The following GGA3 variants were observed in gnomAD, a reference collection of about 807,000 sequenced individuals.
The protein encoded by GGA3 is ADP-ribosylation factor-binding protein GGA3.
GGA3 carries 57 observed loss-of-function variants against 77.5 expected under a neutral mutation model. The ratio of observed to expected loss-of-function variants is 0.74; its 90% confidence interval spans 0.59 to 0.92. GGA3 has a LOEUF of 0.92. GGA3 is among the 40% of genes least tolerant of loss of function. The probability of loss-of-function intolerance (pLI) is 0.00; values close to 1 mark genes in which losing one functional copy is unlikely to be tolerated. For missense variants in GGA3, 970 were observed against 914.9 expected, an observed-to-expected ratio of 1.06 and a Z score of -0.78; for synonymous variants, 416 against 383.7, an observed-to-expected ratio of 1.08 and a Z score of -0.98.
In GGA3 at chr17:75,244,320, C is replaced by T. The variant is rs572113863; in HGVS notation, c.300+299G>A. The T allele has an allele frequency of 1.7e-3, 510 of 302,948 alleles. 1 individual carries two copies. The highest frequency in any genetic ancestry group is 6.6e-3 in the Middle Eastern group (6 of 916). 18.8% of individuals were successfully genotyped at this position (302,948 alleles called of 1,614,324 possible). On this transcript the variant is annotated intron_variant, in intron 4 of 16. Transcript: ENST00000537686. ...AGGCCAAGAAAACCCACAAAACCCA[C>T]AACTGCCATGTGCCAGGTGCCTAGA...
rs1013970028 is a variant in GGA3 at position 75,237,359 on chromosome 17, C to T, written c.*920G>A. The T allele has an allele frequency of 6.8e-6, 6 of 883,786 alleles. No individual in the cohort carries two copies. The highest frequency in any genetic ancestry group is 1.4e-5 in the South Asian group (1 of 69,766). 54.7% of individuals were successfully genotyped at this position (883,786 alleles called of 1,614,324 possible). A position where few individuals can be genotyped will look rare whatever the true frequency, so the allele number is the denominator to read the frequency against. ...CTCCTGTGTCCAGCCACAGGTGCCA[C>T]ACCACATGCCATCTGGTGAGAGGAG... On this transcript the variant is annotated 3_prime_UTR_variant, in exon 17 of 17. Transcript: ENST00000537686.
At chr17:75,247,619 T>C (rs1415807383) in intron 1 of GGA3, among the ~76,000 whole-genome samples, 1 of 152,194 alleles carries the variant, frequency 6.6e-6, no homozygotes, top group Admixed American at 6.5e-5. Flanking sequence ...CATAATGCTT[T>C]AAGTGTTTTT....
chr17:75,242,400 A>G lies in GGA3; in HGVS notation c.683T>C (p.Leu228Pro), dbSNP rs200301750. Residue 228 changes from leucine to proline, a missense_variant, in exon 8 of 17, where the codon CTC becomes CCC. By Grantham distance (98) the Leu-to-Pro change is moderately conservative (BLOSUM62 -3). Transcript: ENST00000537686. Reference protein sequence around the residue: ...LEEVNNNVRLLSEMLLHYSQE... With the variant: ...LEEVNNNVRLPSEMLLHYSQE... ...GCTGTAATGAAGCAGCATCTCACTGAGCAGTCTCACGTTGTTGTTAACTTC... is the reference window on the plus strand; with the variant it reads ...GCTGTAATGAAGCAGCATCTCACTGGGCAGTCTCACGTTGTTGTTAACTTC... 1.3e-5 allele frequency: 21 copies of G among 1,614,122 alleles called. No individual in the cohort carries two copies. Among genetic ancestry groups the G allele is most frequent in the Non-Finnish European group, 1.8e-5 (21 of 1,179,966 alleles).
At chr17:75,243,188 C>T (rs955785610) in intron 5 of GGA3, 22 bp from the exon 6 acceptor site, 19 of 1,538,324 alleles carry the variant, frequency 1.2e-5, no homozygotes, top group Admixed American at 1.1e-4. Flanking sequence ...CATGGCAGCA[C>T]GTGCACTCAG....
At chr17:75,249,838 C>A (rs1452724700) in intron 1 of GGA3, among the ~76,000 whole-genome samples, 1 of 152,222 alleles carries the variant, frequency 6.6e-6, no homozygotes, top group Non-Finnish European at 1.5e-5. Context: ...ACGTTATCTT[C>A]TTCCCAAGTC....
Position 75,237,262 on chromosome 17 carries a change from C to G in GGA3, c.*1017G>C, listed in dbSNP as rs12453726. On this transcript the variant is annotated 3_prime_UTR_variant, in exon 17 of 17. Coordinates refer to ENST00000537686, the MANE Select transcript of GGA3 (RefSeq NM_138619.4). ...TCTCGCTGACAGTGCCCCTCAGTAGCTGGGGAACAGTTGAGGTTTCTGGGC... is the reference window on the plus strand; with the variant it reads ...TCTCGCTGACAGTGCCCCTCAGTAGGTGGGGAACAGTTGAGGTTTCTGGGC... The G allele has an allele frequency of 1.2e-5, 7 of 605,668 alleles. No homozygotes were observed. In the South Asian group the frequency reaches 1.2e-4, roughly 10 times the overall value. 37.5% of individuals were successfully genotyped at this position (605,668 alleles called of 1,614,324 possible).
intron 1 of GGA3, chr17:75,248,947 C>T: frequency 3.0e-6 from 3 of 985,262 alleles, no homozygotes. Context: ...CCCGTGGCAC[C>T]CAGTGTATCA....
In GGA3 at chr17:75,236,886, T is replaced by C. The variant is rs565542076; in HGVS notation, c.*1393A>G. On this transcript the variant is annotated 3_prime_UTR_variant, in exon 17 of 17. Transcript: ENST00000537686. Reference sequence around the variant, plus strand: ...CTTCTAATGAAGCAGTGAAACCTGCTTGCTAAAGACAGCGAGGGGCAGGGA... The same window carrying C: ...CTTCTAATGAAGCAGTGAAACCTGCCTGCTAAAGACAGCGAGGGGCAGGGA... 1 of 154,548 alleles carries C rather than the reference T, an allele frequency of 6.5e-6. No homozygotes were observed. Among genetic ancestry groups the C allele is most frequent in the Non-Finnish European group, 1.4e-5 (1 of 69,186 alleles). 9.6% of individuals were successfully genotyped at this position (154,548 alleles called of 1,614,324 possible).
At chr17:75,249,300 C>G (rs2076879597) in intron 1 of GGA3, among the ~76,000 whole-genome samples, 1 of 152,168 alleles carries the variant, frequency 6.6e-6, no homozygotes, top group African/African-American at 2.4e-5. Flanking sequence ...GCCCTGGCCT[C>G]CCAAAGTGCT....
intron 1 of GGA3, among the ~76,000 whole-genome samples, chr17:75,247,611 T>C (rs771777042): frequency 6.6e-6 from 1 of 152,208 alleles, no homozygotes; most frequent in Non-Finnish European, 1.5e-5. Flanking sequence ...TAGCCTTCCA[T>C]AATGCTTTAA....
At chr17:75,252,059 C>G (rs1412074662) in intron 1 of GGA3, among the ~76,000 whole-genome samples, 1 of 150,808 alleles carries the variant, frequency 6.6e-6, no homozygotes. Flanking sequence ...AGTCCCAGTG[C>G]CTGGCGTCTT....
At chr17:75,255,638 T>C (rs1368358295) in intron 1 of GGA3, among the ~76,000 whole-genome samples, 1 of 152,220 alleles carries the variant, frequency 6.6e-6, no homozygotes, top group African/African-American at 2.4e-5. Flanking sequence ...TTTTAAAGCC[T>C]ATAAACTCTC....
At chr17:75,243,315 G>T in intron 5 of GGA3, 132 bp downstream of exon 5, 1 of 1,261,128 alleles carries the variant, frequency 7.9e-7, no homozygotes. Flanking sequence ...ATCCAACTCC[G>T]ACTCAGCCTT....
intron 11 of GGA3, 188 bp downstream of exon 11, chr17:75,240,624 G>T: frequency 1.4e-6 from 1 of 707,094 alleles, no homozygotes; most frequent in Non-Finnish European, 2.3e-6. Context: ...AGGGCAGGAG[G>T]CAGAGTCCAC....
intron 1 of GGA3, among the ~76,000 whole-genome samples, chr17:75,254,035 C>G (rs1432025189): frequency 6.6e-6 from 1 of 152,168 alleles, no homozygotes; most frequent in Non-Finnish European, 1.5e-5. Context: ...AAAAAATGGG[C>G]AAATGGTCTG....
intron 1 of GGA3, among the ~76,000 whole-genome samples, chr17:75,250,298 C>T (rs1390130283): frequency 6.6e-6 from 1 of 152,194 alleles, no homozygotes; most frequent in Non-Finnish European, 1.5e-5. Context: ...ATTTTCGAGT[C>T]TCTGTTGAAA....
rs771388612 is a variant in GGA3 at position 75,238,081 on chromosome 17, A to G, written c.*198T>C. On this transcript the variant is annotated 3_prime_UTR_variant, in exon 17 of 17. Transcript: ENST00000537686. ...CCACTTCAAGTCACACAGGTAGATA[A>G]AAACAGGTCCTTTTAGGGGCCAAAG... is the stretch of plus-strand genomic sequence containing the variant. The G allele has an allele frequency of 7.2e-7, 1 of 1,387,636 alleles. No homozygotes were observed. The highest frequency in any genetic ancestry group is 1.5e-5 in the African/African-American group (1 of 68,422). 86.0% of individuals were successfully genotyped at this position (1,387,636 alleles called of 1,614,324 possible).
chr17:75,238,381 C>T lies in GGA3; in HGVS notation c.2070G>A (p.Val690=). ...CGAAGGTCAGCTTATACCGAAGCCG[C>T]ACCTTCTCCTGTGACAGAGGGCAGC... ...MLLANPLKEK[V]RLRYKLTFAL... Residue 690 remains valine (V), a synonymous_variant, in exon 17 of 17, where the codon GTG becomes GTA. Transcript: ENST00000537686. 4 of 1,613,562 alleles carry T rather than the reference C, an allele frequency of 2.5e-6. No homozygotes were observed. The South Asian group carries it at 3.3e-5, about 13-fold the overall frequency.
chr17:75,249,431 A>AG (rs1405346866), intron 1 of GGA3, among the ~76,000 whole-genome samples: 4 of 152,328 alleles, frequency 2.6e-5, no homozygotes, highest in Middle Eastern at 3.4e-3. Context: ...GCTTGAAAGG[A>AG]GGGGAGTTAA....
Sources: gnomAD v4.1 joint callset for allele counts (sites outside exome capture counted in the v4.1 genomes callset) on GRCh38, gnomAD v4.1.1 for gene constraint, MANE v1.5 for transcripts, NCBI Gene and HGNC (gene_info 2026-07-23, HGNC 2026-07-21) for gene names.